The following CAMKMT variants were observed in gnomAD, a reference collection of about 807,000 sequenced individuals.
CAMKMT encodes CaM KMT.
A neutral mutation model predicts 48.0 loss-of-function variants in CAMKMT; 53 were observed. The ratio of observed to expected loss-of-function variants is 1.10; its 90% CI spans 0.89 to 1.39. The LOEUF (loss-of-function observed/expected upper bound fraction) is 1.39. CAMKMT is among the 40% of genes most tolerant of loss of function. The pLI is 0.00. For missense variants in CAMKMT, 428 were observed against 402.7 expected, an observed-to-expected ratio of 1.06 and a Z score of -0.54; for synonymous variants, 165 against 152.3, an observed-to-expected ratio of 1.08 and a Z score of -0.61.
intron 3 of CAMKMT, among the ~76,000 whole-genome samples, chr2:44,423,987 G>T (rs1012691944): frequency 2.0e-5 from 3 of 152,146 alleles, no homozygotes; most frequent in Non-Finnish European, 4.4e-5. Context: ...GTATGTGGGT[G>T]TGTATGTAGC....
chr2:44,514,693 G>T (rs1670747879), intron 3 of CAMKMT, among the ~76,000 whole-genome samples: 1 of 152,166 alleles, frequency 6.6e-6, no homozygotes, highest in Admixed American at 6.5e-5. Context: ...CTAGACTAGG[G>T]CCTGACACAT....
At chr2:44,418,577 A>C (rs1683726064) in intron 3 of CAMKMT, among the ~76,000 whole-genome samples, 1 of 152,104 alleles carries the variant, frequency 6.6e-6, no homozygotes, top group Non-Finnish European at 1.5e-5. Flanking sequence ...TCTTTTCTAG[A>C]GTCTGTATTC....
At chr2:44,369,217 T>A (rs963650628) in intron 1 of CAMKMT, among the ~76,000 whole-genome samples, 2 of 152,102 alleles carry the variant, frequency 1.3e-5, no homozygotes, top group African/African-American at 4.8e-5. Context: ...TTTTAAACAA[T>A]TAAAAATAAA....
At chr2:44,694,065 G>T (rs1034733630) in intron 3 of CAMKMT, among the ~76,000 whole-genome samples, 2 of 152,200 alleles carry the variant, frequency 1.3e-5, no homozygotes, top group African/African-American at 4.8e-5. Flanking sequence ...GGAGGAGGGA[G>T]CCAGCAGTGC....
chr2:44,586,955 TG>T (rs56679545), intron 3 of CAMKMT, among the ~76,000 whole-genome samples: 19,695 of 152,210 alleles, frequency 0.13, 1,702 homozygotes, highest in African/African-American at 0.24. Flanking sequence ...TGTCAACACT[TG>T]GTTGGTGAGT....
chr2:44,455,245 G>C (rs79134163), intron 3 of CAMKMT, among the ~76,000 whole-genome samples: 4 of 152,142 alleles, frequency 2.6e-5, no homozygotes, highest in African/African-American at 4.8e-5. Flanking sequence ...CCTAGAGATA[G>C]ATTTTTTTTA....
At chr2:44,408,904 G>A (rs1682969739) in intron 3 of CAMKMT, among the ~76,000 whole-genome samples, 1 of 151,542 alleles carries the variant, frequency 6.6e-6, no homozygotes, top group Non-Finnish European at 1.5e-5. Context: ...ACCACACCTG[G>A]CTAATATTTG....
chr2:44,497,609 A>T (rs1048292787), intron 3 of CAMKMT, among the ~76,000 whole-genome samples: 6 of 152,092 alleles, frequency 3.9e-5, no homozygotes, highest in Non-Finnish European at 8.8e-5. Flanking sequence ...ACCTCTAACC[A>T]GGGACCTTTT....
chr2:44,763,743 T>A (rs1680715645), intron 9 of CAMKMT, among the ~76,000 whole-genome samples: 2 of 152,068 alleles, frequency 1.3e-5, no homozygotes, highest in Admixed American at 6.6e-5. Context: ...AGGCAGAGAG[T>A]GCTGTCACAT....
chr2:44,596,175 A>G (rs1032631222), intron 3 of CAMKMT, among the ~76,000 whole-genome samples: 7 of 152,100 alleles, frequency 4.6e-5, no homozygotes, highest in Non-Finnish European at 7.4e-5. Flanking sequence ...TTGGCTGGAC[A>G]CAGTGGCTCA....
chr2:44,374,619 G>T (rs942388802), intron 2 of CAMKMT, among the ~76,000 whole-genome samples: 30 of 152,190 alleles, frequency 2.0e-4, no homozygotes, highest in African/African-American at 7.0e-4. Context: ...AGCAAGTCAT[G>T]GTTATCCACT....
intron 3 of CAMKMT, among the ~76,000 whole-genome samples, chr2:44,581,558 G>A (rs1669565444): frequency 1.3e-5 from 2 of 152,178 alleles, no homozygotes; most frequent in African/African-American, 4.8e-5. Context: ...ATAAATTATT[G>A]CATTGGGTAA....
At chr2:44,414,546 A>G (rs976749843) in intron 3 of CAMKMT, among the ~76,000 whole-genome samples, 1 of 152,158 alleles carries the variant, frequency 6.6e-6, no homozygotes, top group African/African-American at 2.4e-5. Flanking sequence ...AGAGTGTAAG[A>G]TCAGAGAGAC....
chr2:44,629,083 A>G (rs1672660155), intron 3 of CAMKMT, among the ~76,000 whole-genome samples: 1 of 152,186 alleles, frequency 6.6e-6, no homozygotes, highest in Non-Finnish European at 1.5e-5. Context: ...TTTTATGTCT[A>G]CTTGCTCTGC....
intron 8 of CAMKMT, among the ~76,000 whole-genome samples, chr2:44,752,695 G>C (rs1680202708): frequency 6.6e-6 from 1 of 152,208 alleles, no homozygotes; most frequent in Non-Finnish European, 1.5e-5. Flanking sequence ...GCACGGGCAG[G>C]TTGGTGTCTG....
chr2:44,716,347 G>A (rs1038082400), intron 7 of CAMKMT, among the ~76,000 whole-genome samples: 8 of 152,128 alleles, frequency 5.3e-5, no homozygotes. Flanking sequence ...AGCCCCGGCA[G>A]CCAGTGATCT....
chr2:44,592,665 G>C (rs1231418432), intron 3 of CAMKMT, among the ~76,000 whole-genome samples: 1 of 152,164 alleles, frequency 6.6e-6, no homozygotes, highest in Non-Finnish European at 1.5e-5. Flanking sequence ...AGGTATGTAA[G>C]TATAGGAAAA....
chr2:44,442,009 GA>G (rs35833402), intron 3 of CAMKMT, among the ~76,000 whole-genome samples: 4 of 152,112 alleles, frequency 2.6e-5, no homozygotes, highest in Non-Finnish European at 4.4e-5. Context: ...GCACTTTAAA[GA>G]AAAGTTATTA....
At chr2:44,488,013 C>T (rs942332355) in intron 3 of CAMKMT, among the ~76,000 whole-genome samples, 4 of 152,168 alleles carry the variant, frequency 2.6e-5, no homozygotes, top group East Asian at 1.9e-4. Context: ...GTAAAGATTT[C>T]TGTAGTATGT....
Sources: gnomAD v4.1 joint callset for allele counts (sites outside exome capture counted in the v4.1 genomes callset) on GRCh38, gnomAD v4.1.1 for gene constraint, MANE v1.5 for transcripts, NCBI Gene and HGNC (gene_info 2026-07-23, HGNC 2026-07-21) for gene names.